THSD7A: variants seen among roughly 807,000 people sequenced by gnomAD.
THSD7A encodes the protein thrombospondin type-1 domain-containing protein 7A.
A neutral mutation model predicts 231.3 loss-of-function variants in THSD7A; 96 were observed. The ratio of observed to expected loss-of-function variants is 0.41; its 90% CI spans 0.35 to 0.49. The LOEUF is 0.49. Among genes scored for constraint, THSD7A ranks in the 20% least tolerant of loss-of-function variants. The probability of loss-of-function intolerance (pLI) is 0.05; values close to 1 mark genes in which losing one functional copy is unlikely to be tolerated. For synonymous variants in THSD7A, 940 were observed against 743.3 expected, an observed-to-expected ratio of 1.26 and a Z score of -4.30; for missense variants, 2,290 against 2,070.2, an observed-to-expected ratio of 1.11 and a Z score of -2.06.
In THSD7A at chr7:11,832,089, C is replaced by T; in HGVS notation, c.-143G>A. On this transcript the variant is annotated 5_prime_UTR_variant, in exon 1 of 28. Transcript: ENST00000423059. ...CGCTTCAGATGAGAAGGAGGGAGAG[C>T]GCGTCTAACACCAGGGAACAATAGC... The T allele has an allele frequency of 1.9e-6, 1 of 515,462 alleles. No individual in the cohort carries two copies. The highest frequency in any genetic ancestry group is 4.2e-5 in the East Asian group (1 of 23,622). The allele number at this position is 515,462 out of a possible 1,614,324, so 31.9% of individuals were successfully genotyped here.
At chr7:11,435,657 GC>G (rs1361833367) in intron 13 of THSD7A, among the ~76,000 whole-genome samples, 1 of 151,752 alleles carries the variant, frequency 6.6e-6, no homozygotes, top group Non-Finnish European at 1.5e-5. Flanking sequence ...TGTTTCAGAT[GC>G]CCCCTCACCT....
intron 11 of THSD7A, among the ~76,000 whole-genome samples, chr7:11,448,517 C>G (rs1283933912): frequency 6.6e-6 from 1 of 152,076 alleles, no homozygotes; most frequent in Non-Finnish European, 1.5e-5. Flanking sequence ...CTGATCTCTG[C>G]CCTGTTCAGG....
At chr7:11,542,292 G>A (rs1203832224) in intron 5 of THSD7A, among the ~76,000 whole-genome samples, 1 of 152,134 alleles carries the variant, frequency 6.6e-6, no homozygotes, top group Non-Finnish European at 1.5e-5. Flanking sequence ...AAATTAACAA[G>A]TCTGTTTATT....
chr7:11,828,451 C>T (rs1785092929), intron 1 of THSD7A, among the ~76,000 whole-genome samples: 1 of 152,166 alleles, frequency 6.6e-6, no homozygotes, highest in South Asian at 2.1e-4. Context: ...CGACCCTTCA[C>T]ACCTCCTTTA....
chr7:11,472,023 T>C (rs1785959476), intron 8 of THSD7A, among the ~76,000 whole-genome samples: 1 of 152,118 alleles, frequency 6.6e-6, no homozygotes, highest in Non-Finnish European at 1.5e-5. Flanking sequence ...TATTCTGTTT[T>C]AGTTGAGAAA....
chr7:11,449,003 A>G (rs541774485), intron 11 of THSD7A, among the ~76,000 whole-genome samples: 2 of 152,146 alleles, frequency 1.3e-5, no homozygotes, highest in East Asian at 3.9e-4. Flanking sequence ...AAGAGAATCT[A>G]CCCCCTTGAG....
At chr7:11,521,974 T>C (rs1344964175) in intron 6 of THSD7A, among the ~76,000 whole-genome samples, 1 of 152,154 alleles carries the variant, frequency 6.6e-6, no homozygotes, top group Non-Finnish European at 1.5e-5. Flanking sequence ...TTATAAACTG[T>C]TCCTGATATA....
chr7:11,721,664 T>C (rs1164416707), intron 1 of THSD7A, among the ~76,000 whole-genome samples: 3 of 151,928 alleles, frequency 2.0e-5, no homozygotes, highest in African/African-American at 4.8e-5. Flanking sequence ...AGCTGCTAAC[T>C]CTTTCTTACA....
intron 1 of THSD7A, among the ~76,000 whole-genome samples, chr7:11,640,864 T>C (rs1250113239): frequency 6.6e-6 from 1 of 152,240 alleles, no homozygotes; most frequent in African/African-American, 2.4e-5. Context: ...TTTCCCACTT[T>C]ATAAAAAATA....
At chr7:11,389,085 T>C (rs1782875767) in intron 23 of THSD7A, among the ~76,000 whole-genome samples, 2 of 152,108 alleles carry the variant, frequency 1.3e-5, no homozygotes, top group East Asian at 3.9e-4. Flanking sequence ...TTCTGTTGAT[T>C]TGGGGTGGAG....
intron 1 of THSD7A, among the ~76,000 whole-genome samples, chr7:11,813,850 A>G (rs975911170): frequency 6.6e-6 from 1 of 152,158 alleles, no homozygotes; most frequent in Admixed American, 6.6e-5. Context: ...AGAAATGAAA[A>G]TACATATCCA....
chr7:11,458,758 C>G (rs942066566), intron 11 of THSD7A, among the ~76,000 whole-genome samples: 2 of 152,082 alleles, frequency 1.3e-5, no homozygotes, highest in Non-Finnish European at 2.9e-5. Flanking sequence ...GGATGAAGAA[C>G]GAACAGTTTT....
chr7:11,475,057 G>A (rs1786102023), intron 7 of THSD7A, among the ~76,000 whole-genome samples: 1 of 152,134 alleles, frequency 6.6e-6, no homozygotes, highest in Non-Finnish European at 1.5e-5. Context: ...AGGCATGCAG[G>A]CAGGTGTGAC....
At chr7:11,764,280 T>C (rs975772552) in intron 1 of THSD7A, among the ~76,000 whole-genome samples, 1 of 151,976 alleles carries the variant, frequency 6.6e-6, no homozygotes, top group African/African-American at 2.4e-5. Flanking sequence ...AGTATAAAAA[T>C]AGATAAATTT....
At chr7:11,471,811 G>A (rs181571298) in intron 8 of THSD7A, among the ~76,000 whole-genome samples, 70 of 152,066 alleles carry the variant, frequency 4.6e-4, no homozygotes, top group African/African-American at 1.6e-3. Context: ...AACATTATAT[G>A]GCAAAACTCC....
chr7:11,664,676 A>C (rs1323785518), intron 1 of THSD7A, among the ~76,000 whole-genome samples: 1 of 151,966 alleles, frequency 6.6e-6, no homozygotes, highest in Non-Finnish European at 1.5e-5. Flanking sequence ...CAAAGCACTT[A>C]AATAACTACC....
chr7:11,498,873 T>G (rs1562659200), intron 6 of THSD7A, among the ~76,000 whole-genome samples: 1 of 152,014 alleles, frequency 6.6e-6, no homozygotes, highest in Non-Finnish European at 1.5e-5. Context: ...GCCCCAAGCA[T>G]ACAGCAGCAG....
chr7:11,535,995 A>C (rs998176881), intron 6 of THSD7A, among the ~76,000 whole-genome samples: 3 of 152,198 alleles, frequency 2.0e-5, no homozygotes, highest in Non-Finnish European at 2.9e-5. Context: ...CCCCTGATAG[A>C]AAGGCACAAA....
At chr7:11,476,829 A>AT (rs1382590034) in intron 7 of THSD7A, among the ~76,000 whole-genome samples, 2 of 146,730 alleles carry the variant, frequency 1.4e-5, no homozygotes, top group Non-Finnish European at 3.1e-5. Flanking sequence ...AAAAAAAAAA[A>AT]AAAAAAGATA....
Sources: gnomAD v4.1 joint callset for allele counts (sites outside exome capture counted in the v4.1 genomes callset) on GRCh38, gnomAD v4.1.1 for gene constraint, MANE v1.5 for transcripts, NCBI Gene and HGNC (gene_info 2026-07-23, HGNC 2026-07-21) for gene names.